Variants in LRRCC1 observed in about 807,000 individuals in gnomAD.
LRRCC1 encodes the protein leucine-rich repeat and coiled-coil domain-containing protein 1.
A neutral mutation model predicts 126.0 loss-of-function variants in LRRCC1; 115 were observed. The observed-to-expected ratio is 0.91, with a 90% CI of 0.78 to 1.07. LRRCC1 has a LOEUF of 1.07. Among genes scored for constraint, LRRCC1 ranks in the 50% least tolerant of loss-of-function variants. The pLI is 0.00. For synonymous variants in LRRCC1, 400 were observed against 393.4 expected, an observed-to-expected ratio of 1.02 and a Z score of -0.20; for missense variants, 1,172 against 1,175.7, an observed-to-expected ratio of 1.00 and a Z score of 0.05.
At chr8:85,136,695 C>T (rs1810897551) in intron 14 of LRRCC1, among the ~76,000 whole-genome samples, 1 of 152,160 alleles carries the variant, frequency 6.6e-6, no homozygotes, top group South Asian at 2.1e-4. Context: ...TAAATGAAAA[C>T]TATTTTTTAG....
intron 17 of LRRCC1, among the ~76,000 whole-genome samples, chr8:85,140,896 C>G (rs1811204137): frequency 6.6e-6 from 1 of 152,016 alleles, no homozygotes; most frequent in African/African-American, 2.4e-5. Flanking sequence ...AACCCTGTCT[C>G]TACTAAAAAT....
rs1335273727 is a variant in LRRCC1, at chr8:85,130,063, A to G, written c.1766+5A>G. The G allele has an allele frequency of 6.4e-7, 1 of 1,563,798 alleles. No homozygotes were observed. Among genetic ancestry groups the G allele is most frequent in the Non-Finnish European group, 8.6e-7 (1 of 1,162,146 alleles). On this transcript the variant is annotated splice_donor_5th_base_variant and intron_variant, in intron 11 of 18. Coordinates refer to ENST00000360375, the MANE Select transcript of LRRCC1 (RefSeq NM_033402.5). ...ATTGAAAGAACAGGAACACAGGTAA[A>G]TGAAAAATGTATCAGGAATGTATTG...
At chr8:85,114,474 T>C (rs1808956282) in intron 4 of LRRCC1, among the ~76,000 whole-genome samples, 1 of 152,116 alleles carries the variant, frequency 6.6e-6, no homozygotes, top group Admixed American at 6.5e-5. Flanking sequence ...AGAAATATAC[T>C]TAGTTTTAAA....
chr8:85,135,829 A>G lies in LRRCC1; in HGVS notation c.2195A>G (p.Lys732Arg). Residue 732 changes from lysine (K) to arginine (R), a missense_variant, in exon 14 of 19, where the codon AAG becomes AGG. Physicochemically the swap from Lys to Arg is conservative, Grantham distance 26 (BLOSUM62 2). Transcript: ENST00000360375. ...NTLEILIEDD[K>R]QKSIQIELLK... ...CTTGAAATTTTAATTGAAGATGACA[A>G]GCAGAAGAGTATTCAAATAGAACTT... is the stretch of plus-strand genomic sequence containing the variant. 6.3e-7 allele frequency: 1 copy of G among 1,577,004 alleles called. No individual in the cohort carries two copies.
rs374845285 is a variant in LRRCC1, at chr8:85,123,570, T to C, written c.1088T>C (p.Ile363Thr). 6.3e-7 allele frequency: 1 copy of C among 1,591,706 alleles called. No homozygotes were observed. Among genetic ancestry groups the C allele is most frequent in the African/African-American group, 1.4e-5 (1 of 73,128 alleles). The change falls in exon 7 of 19, where the codon ATT becomes ACT. Residue 363 changes from isoleucine to threonine, a missense_variant. Transcript: ENST00000360375. Reference sequence around the variant, plus strand: ...TATGATGCCAAAACCATTCAAACTATTAAGCACCACAATAAAAACTACAAC... The same window carrying C: ...TATGATGCCAAAACCATTCAAACTACTAAGCACCACAATAAAAACTACAAC... ...IPYDAKTIQT[I>T]KHHNKNYNSF...
At chr8:85,121,420 GTTTTTT>G (rs1809539775) in intron 6 of LRRCC1, among the ~76,000 whole-genome samples, 3 of 150,450 alleles carry the variant, frequency 2.0e-5, no homozygotes, top group African/African-American at 7.3e-5. Context: ...TTTTTGTTTT[GTTTTTT>G]GTTTTGTTTT....
At chr8:85,118,858 A>T (rs1809308376) in intron 6 of LRRCC1, among the ~76,000 whole-genome samples, 1 of 151,984 alleles carries the variant, frequency 6.6e-6, no homozygotes, top group Non-Finnish European at 1.5e-5. Flanking sequence ...AATAGTGTTT[A>T]ATTTTGATAA....
In LRRCC1 at chr8:85,138,161, A is replaced by G. The variant is rs369196600; in HGVS notation, c.2620A>G (p.Arg874Gly). Residue 874 changes from arginine to glycine, a missense_variant, in exon 16 of 19, where the codon AGG becomes GGG. Physicochemically the swap from Arg to Gly is moderately radical, Grantham distance 125. Transcript: ENST00000360375. ...GGATGAGGTACTTGAGAAGTTGGAA[A>G]GGCACAATGAAAGAAAAGAAAAACT... Reference protein sequence around the residue: ...QLDEVLEKLERHNERKEKLKQ... With the variant: ...QLDEVLEKLEGHNERKEKLKQ... 21 of 1,611,834 alleles carry G rather than the reference A, an allele frequency of 1.3e-5. No homozygotes were observed. The East Asian group carries it at 4.0e-4, about 31-fold the overall frequency.
chr8:85,109,594 G>A lies in LRRCC1; in HGVS notation c.105-1G>A. ...TTTATAGTATATATTTTCTTTTATA[G>A]CATATCAGAATTATCTTTAGATTCA... is the stretch of plus-strand genomic sequence containing the variant. On this transcript the variant is annotated splice_acceptor_variant, in intron 1 of 18. Transcript: ENST00000360375. LOFTEE classifies it high-confidence loss of function. 3 of 1,550,424 alleles carry A rather than the reference G, an allele frequency of 1.9e-6. No homozygotes were observed. The highest frequency in any genetic ancestry group is 2.6e-6 in the Non-Finnish European group (3 of 1,132,546).
At chr8:85,132,375 C>CTTTTTTTTTTTTTT (rs551423793) in intron 12 of LRRCC1, among the ~76,000 whole-genome samples, 12 of 109,932 alleles carry the variant, frequency 1.1e-4, no homozygotes, top group South Asian at 2.9e-4. Flanking sequence ...TGAGTACTTT[C>CTTTTTTTTTTTTTT]TTTTTTTTTT....
chr8:85,142,177 C>G (rs1255784391), intron 18 of LRRCC1, among the ~76,000 whole-genome samples: 1 of 151,790 alleles, frequency 6.6e-6, no homozygotes, highest in Non-Finnish European at 1.5e-5. Context: ...ACCTGTAATT[C>G]CAGCTACTCG....
In LRRCC1 at chr8:85,143,368, A is replaced by G. The variant is rs1811397161; in HGVS notation, c.2976+1851A>G. On this transcript the variant is annotated intron_variant, in intron 18 of 18. Transcript: ENST00000360375. ...ATTTAGGCTGGGCATGGAGGCTTAC[A>G]CCTGTAATCCCAACACTTATTAGGA... 2.6e-5 allele frequency among the ~76,000 whole-genome samples: 4 copies of G among 151,736 alleles called. No homozygotes were observed. In the South Asian group the frequency reaches 8.3e-4, roughly 32 times the overall value.
chr8:85,107,488 C>A, intron 1 of LRRCC1, 89 bp downstream of exon 1: 1 of 1,136,630 alleles, frequency 8.8e-7, no homozygotes, highest in Non-Finnish European at 1.3e-6. Context: ...AGTGGAGGCG[C>A]GGCACTGCTT....
intron 17 of LRRCC1, among the ~76,000 whole-genome samples, chr8:85,140,771 A>G (rs1388336247): frequency 6.6e-6 from 1 of 152,190 alleles, no homozygotes; most frequent in Non-Finnish European, 1.5e-5. Context: ...GTGCTTATAA[A>G]CTATACCCTT....
Position 85,134,931 on chromosome 8 carries a change from T to G in LRRCC1, c.2053T>G (p.Ser685Ala). ...LIWAQRKENE[S>A]SSLIKDLTCM... ...TTGGGCTCAACGAAAAGAAAATGAG[T>G]CTTCCTCTTTAATTAAAGATCTGAC... Residue 685 changes from serine (S) to alanine (A), a missense_variant, in exon 13 of 19, where the codon TCT becomes GCT. Coordinates refer to ENST00000360375, the MANE Select transcript of LRRCC1 (RefSeq NM_033402.5). 1 of 1,530,048 alleles carries G rather than the reference T, an allele frequency of 6.5e-7. No individual in the cohort carries two copies. The allele number at this position is 1,530,048 out of a possible 1,614,324, so 94.8% of individuals were successfully genotyped here. A position where few individuals can be genotyped will look rare whatever the true frequency, so the allele number is the denominator to read the frequency against.
intron 6 of LRRCC1, among the ~76,000 whole-genome samples, chr8:85,117,466 T>C (rs1025688889): frequency 2.0e-5 from 3 of 152,174 alleles, no homozygotes; most frequent in African/African-American, 7.2e-5. Context: ...GGAGTTTGAA[T>C]TTCATTGAGC....
At chr8:85,126,576 CT>C (rs1810016538) in intron 8 of LRRCC1, 112 bp from the exon 9 acceptor site, 3 of 862,800 alleles carry the variant, frequency 3.5e-6, no homozygotes, top group Non-Finnish European at 5.2e-6. Flanking sequence ...AAAAGTTTCA[CT>C]GTAGCTCTTT....
intron 9 of LRRCC1, among the ~76,000 whole-genome samples, chr8:85,127,264 A>G (rs1253561800): frequency 2.6e-5 from 4 of 151,858 alleles, no homozygotes; most frequent in Admixed American, 1.3e-4. Context: ...TTTTTATTCT[A>G]TCCTCACCAT....
Position 85,135,874 on chromosome 8 carries a change from A to G in LRRCC1, c.2240A>G (p.Gln747Arg). ...QIELLKHEKV[Q>R]LISELAAKES... is the part of the protein sequence containing the mutation. ...GAACTTCTCAAGCACGAAAAAGTCC[A>G]GCTTATTTCTGAGCTAGCAGCCAAG... The change falls in exon 14 of 19, where the codon CAG becomes CGG. Residue 747 changes from glutamine to arginine, a missense_variant. Coordinates refer to ENST00000360375, the MANE Select transcript of LRRCC1 (RefSeq NM_033402.5). 6.2e-7 allele frequency: 1 copy of G among 1,608,642 alleles called. No homozygotes were observed. The highest frequency in any genetic ancestry group is 8.5e-7 in the Non-Finnish European group (1 of 1,177,000).
Sources: gnomAD v4.1 joint callset for allele counts (sites outside exome capture counted in the v4.1 genomes callset) on GRCh38, gnomAD v4.1.1 for gene constraint, MANE v1.5 for transcripts, NCBI Gene and HGNC (gene_info 2026-07-23, HGNC 2026-07-21) for gene names.